Variants in WASHC4 observed in about 807,000 individuals in gnomAD.
The protein encoded by WASHC4 is WASH complex subunit 7.
In WASHC4, 86 loss-of-function variants were observed where a neutral mutation model predicts 166.6. The observed-to-expected ratio is 0.52, with a 90% CI of 0.43 to 0.62. The LOEUF (loss-of-function observed/expected upper bound fraction) is 0.62. Ranked by LOEUF, WASHC4 falls within the 20% of genes least tolerant of loss-of-function variation. The pLI is 0.00. For missense variants in WASHC4, 1,262 were observed against 1,382.4 expected, an observed-to-expected ratio of 0.91 and a Z score of 1.38; for synonymous variants, 446 against 451.6, an observed-to-expected ratio of 0.99 and a Z score of 0.16.
In WASHC4 at chr12:105,120,606, C is replaced by T. The variant is rs187132047; in HGVS notation, c.561+9C>T. The stretch of plus-strand genomic sequence containing the variant: ...CTGGAGTTCATTTTCAGGTAAAAGA[C>T]ATTTAGCTTGACCTGTAAAACTGTA... On this transcript the variant is annotated intron_variant, in intron 8 of 32. Transcript: ENST00000332180. 18 of 1,582,698 alleles carry T rather than the reference C, an allele frequency of 1.1e-5. No homozygotes were observed. The African/African-American group carries it at 2.0e-4, about 18-fold the overall frequency.
Position 105,133,805 on chromosome 12 carries a change from G to A in WASHC4, c.1235G>A (p.Trp412Ter). The A allele has an allele frequency of 6.2e-7, 1 of 1,612,274 alleles. No homozygotes were observed. The highest frequency in any genetic ancestry group is 8.5e-7 in the Non-Finnish European group (1 of 1,178,698). The change falls in exon 14 of 33, where the codon TGG becomes TAG. Residue 412 changes from tryptophan to a stop codon, truncating the protein, a stop_gained. Coordinates refer to ENST00000332180, the MANE Select transcript of WASHC4 (RefSeq NM_015275.3). LOFTEE classifies it high-confidence loss of function. ...TCTTACTACGTCTTTGTGAGCTCATGGATGATGAAAATGGAATCTATTTTG... is the reference window on the plus strand; with the variant it reads ...TCTTACTACGTCTTTGTGAGCTCATAGATGATGAAAATGGAATCTATTTTG... Reference protein sequence around the residue: ...VQSYYVFVSSWMMKMESILSK... With the variant: ...VQSYYVFVSS
intron 13 of WASHC4, among the ~76,000 whole-genome samples, chr12:105,131,235 C>A (rs898837062): frequency 6.6e-6 from 1 of 150,590 alleles, no homozygotes; most frequent in Non-Finnish European, 1.5e-5. Flanking sequence ...TACAGGCGCC[C>A]GCCACCGCGC....
chr12:105,118,599 CTT>C, intron 7 of WASHC4, 71 bp downstream of exon 7: 1 of 896,492 alleles, frequency 1.1e-6, no homozygotes, highest in South Asian at 1.3e-5. Flanking sequence ...AAATTAATAA[CTT>C]GTAATAGTTT....
intron 1 of WASHC4, among the ~76,000 whole-genome samples, chr12:105,108,096 C>G (rs951075204): frequency 6.6e-6 from 1 of 152,176 alleles, no homozygotes; most frequent in Non-Finnish European, 1.5e-5. Flanking sequence ...CGGAGACTCT[C>G]CTGGGGAGCC....
chr12:105,125,744 T>A (rs764682322), intron 10 of WASHC4, among the ~76,000 whole-genome samples: 1 of 152,138 alleles, frequency 6.6e-6, no homozygotes, highest in Non-Finnish European at 1.5e-5. Context: ...ATCGTGTGTA[T>A]CTCTTTATAC....
intron 14 of WASHC4, among the ~76,000 whole-genome samples, chr12:105,135,012 C>T (rs1398259754): frequency 2.0e-5 from 3 of 151,482 alleles, no homozygotes; most frequent in African/African-American, 4.8e-5. Flanking sequence ...TAAGATGTAT[C>T]GTTTGCTCAT....
In WASHC4 at chr12:105,156,724, A is replaced by G; in HGVS notation, c.2759-2A>G. 6.2e-7 allele frequency: 1 copy of G among 1,607,280 alleles called. No homozygotes were observed. The highest frequency in any genetic ancestry group is 8.5e-7 in the Non-Finnish European group (1 of 1,174,536). Reference sequence around the variant, plus strand: ...ATCTGATTTTTTTGTGTGGTTTTTAAGGTAATGCTATGGGCTATGTACGAA... The same window carrying G: ...ATCTGATTTTTTTGTGTGGTTTTTAGGGTAATGCTATGGGCTATGTACGAA... On this transcript the variant is annotated splice_acceptor_variant, in intron 26 of 32. Transcript: ENST00000332180. LOFTEE classifies it high-confidence loss of function.
At chr12:105,118,561 A>T (rs780870128) in intron 7 of WASHC4, 33 bp downstream of exon 7, 2 of 1,211,196 alleles carry the variant, frequency 1.7e-6, no homozygotes, top group African/African-American at 3.0e-5. Context: ...TTGCTTTTAT[A>T]ATAGAGATGC....
chr12:105,144,212 G>T, intron 20 of WASHC4, 75 bp from the exon 21 acceptor site: 1 of 1,240,186 alleles, frequency 8.1e-7, no homozygotes. Flanking sequence ...TTAAAATGGA[G>T]CATAGACATG....
At chr12:105,144,929 T>G in intron 22 of WASHC4, 57 bp downstream of exon 22, 1 of 1,513,646 alleles carries the variant, frequency 6.6e-7, no homozygotes, top group Non-Finnish European at 9.1e-7. Context: ...AACAGTACTT[T>G]TTAAGGAAGT....
intron 2 of WASHC4, among the ~76,000 whole-genome samples, chr12:105,111,499 A>C (rs770842529): frequency 6.6e-6 from 1 of 152,188 alleles, no homozygotes; most frequent in Non-Finnish European, 1.5e-5. Context: ...AATGACACAA[A>C]CTCCAAGTCT....
intron 2 of WASHC4, among the ~76,000 whole-genome samples, chr12:105,112,058 C>T (rs1879726992): frequency 1.3e-5 from 2 of 149,718 alleles, no homozygotes; most frequent in African/African-American, 4.9e-5. Flanking sequence ...CAGTTCATGC[C>T]ATGGCATACC....
At chr12:105,152,522 C>A in intron 26 of WASHC4, 71 bp downstream of exon 26, 1 of 883,306 alleles carries the variant, frequency 1.1e-6, no homozygotes, top group Non-Finnish European at 1.9e-6. Context: ...TTAACTATTT[C>A]ACACTAATAA....
chr12:105,114,518 A>G, intron 4 of WASHC4, 91 bp downstream of exon 4: 3 of 854,522 alleles, frequency 3.5e-6, no homozygotes, highest in South Asian at 1.5e-5. Flanking sequence ...ATAAATATTT[A>G]TTGAATGTTG....
At chr12:105,159,161 A>G (rs1884343469) in intron 28 of WASHC4, among the ~76,000 whole-genome samples, 1 of 152,232 alleles carries the variant, frequency 6.6e-6, no homozygotes, top group Non-Finnish European at 1.5e-5. Context: ...CCTTTACCTT[A>G]TGTTAAATGA....
rs373978329 is a variant in WASHC4, at chr12:105,164,146, C to T, written c.3193C>T (p.Arg1065Trp). The T allele has an allele frequency of 1.9e-5, 30 of 1,614,082 alleles. No individual in the cohort carries two copies. Among genetic ancestry groups the T allele is most frequent in the African/African-American group, 1.2e-4 (9 of 75,040 alleles). Residue 1065 changes from arginine (R) to tryptophan (W), a missense_variant, in exon 31 of 33, where the codon CGG (arginine) becomes TGG (tryptophan). Coordinates refer to ENST00000332180, the MANE Select transcript of WASHC4 (RefSeq NM_015275.3). ...CATTCTAAAGCTTTTGGATCAGTAT[C>T]GGGAGTTTGATTCACTTCACTGGTT... ...AYILKLLDQY[R>W]EFDSLHWFQS...
rs541057281 is a variant in WASHC4, at chr12:105,142,468, T to C, written c.1803T>C (p.Cys601=). Reference sequence around the variant, plus strand: ...TACATTGTAGAGTCCAAACACAATGTGACTGTTGTTTTTTATACTGGCATC... The same window carrying C: ...TACATTGTAGAGTCCAAACACAATGCGACTGTTGTTTTTTATACTGGCATC... ...SELRERVQTQ[C]DCCFLYWHRA... Residue 601 remains cysteine, a synonymous_variant, in exon 19 of 33, where the codon TGT becomes TGC. Coordinates refer to ENST00000332180, the MANE Select transcript of WASHC4 (RefSeq NM_015275.3). The C allele has an allele frequency of 6.2e-7, 1 of 1,604,964 alleles. No homozygotes were observed. Among genetic ancestry groups the C allele is most frequent in the South Asian group, 1.1e-5 (1 of 90,886 alleles).
intron 10 of WASHC4, among the ~76,000 whole-genome samples, chr12:105,124,310 G>T (rs1318164593): frequency 6.6e-6 from 1 of 151,158 alleles, no homozygotes; most frequent in African/African-American, 2.4e-5. Flanking sequence ...GTAGAGATGG[G>T]GTTTCTCCAT....
At position 105,143,001 on chromosome 12, in the gene WASHC4, A is replaced by C. The variant is rs561652948; in HGVS notation, c.1894-126A>C. 6 of 687,284 alleles carry C rather than the reference A, an allele frequency of 8.7e-6. No individual in the cohort carries two copies. The African/African-American group carries it at 1.1e-4, about 12-fold the overall frequency. 42.6% of individuals were successfully genotyped at this position (687,284 alleles called of 1,614,324 possible). ...TCTTTTTCTTTAGGAAAGTTAAGACAGTTGTGGAAAATCATTTTTCCTTCA... is the reference window on the plus strand; with the variant it reads ...TCTTTTTCTTTAGGAAAGTTAAGACCGTTGTGGAAAATCATTTTTCCTTCA... On this transcript the variant is annotated intron_variant, in intron 19 of 32. Coordinates refer to ENST00000332180, the MANE Select transcript of WASHC4 (RefSeq NM_015275.3).
Sources: allele counts gnomAD v4.1 joint callset (sites outside exome capture counted in the v4.1 genomes callset), GRCh38; gene constraint gnomAD v4.1.1; transcripts MANE v1.5; gene names NCBI Gene and HGNC (gene_info 2026-07-23, HGNC 2026-07-21).